Variants in CTNNB1 observed in about 807,000 individuals in gnomAD.
CTNNB1 encodes catenin beta-1.
CTNNB1 carries 6 observed loss-of-function variants against 82.5 expected under a neutral mutation model. The ratio of observed to expected loss-of-function variants is 0.07; its 90% CI spans 0.04 to 0.14. The LOEUF (loss-of-function observed/expected upper bound fraction) is 0.14, where lower values mean the gene tolerates loss of function less well. Ranked by LOEUF, CTNNB1 falls within the 10% of genes least tolerant of loss-of-function variation. CTNNB1 has a pLI of 1.00. For missense variants in CTNNB1, 529 were observed against 980.4 expected (o/e 0.54, Z 6.15); for synonymous variants, 312 against 329.7 (o/e 0.95, Z 0.58).
At position 41,235,860 on chromosome 3, in the gene CTNNB1, G is replaced by C. The variant is rs755925731; in HGVS notation, c.1803+17G>C. The C allele has an allele frequency of 6.2e-7, 1 of 1,613,948 alleles. No homozygotes were observed. Among genetic ancestry groups the C allele is most frequent in the South Asian group, 1.1e-5 (1 of 91,068 alleles). On this transcript the variant is annotated intron_variant, in intron 11 of 14. Coordinates refer to ENST00000349496, the MANE Select transcript of CTNNB1 (RefSeq NM_001904.4). ...TTTGTGCAGGTATGTTTTAAGTGAA[G>C]TGTTCTAGGTTTTATGTCCATAAAA...
intron 1 of CTNNB1, among the ~76,000 whole-genome samples, chr3:41,215,554 T>C (rs945413481): frequency 6.6e-6 from 1 of 152,126 alleles, no homozygotes; most frequent in Non-Finnish European, 1.5e-5. Context: ...CCAAAGCATA[T>C]ATTAAGCGAG....
intron 1 of CTNNB1, among the ~76,000 whole-genome samples, chr3:41,207,832 C>G (rs2077684728): frequency 6.6e-6 from 1 of 152,218 alleles, no homozygotes; most frequent in Non-Finnish European, 1.5e-5. Context: ...AATGCTACTT[C>G]CCTTGCAGCT....
intron 1 of CTNNB1, among the ~76,000 whole-genome samples, chr3:41,206,012 T>A (rs1313146607): frequency 1.3e-5 from 2 of 152,188 alleles, no homozygotes; most frequent in African/African-American, 4.8e-5. Context: ...CCCCTCTTTA[T>A]GATGGTTTGA....
chr3:41,236,554 T>C (rs1318913264), intron 12 of CTNNB1, 34 bp from the exon 13 acceptor site: 1 of 1,614,188 alleles, frequency 6.2e-7, no homozygotes. Flanking sequence ...AGTCTCAGTT[T>C]TTCCTCAAGG....
rs1300956292 is a variant in CTNNB1, at chr3:41,224,944, C to T, written c.242-10C>T. 6.2e-7 allele frequency: 1 copy of T among 1,614,064 alleles called. No homozygotes were observed. Among genetic ancestry groups the T allele is most frequent in the Admixed American group, 1.7e-5 (1 of 60,010 alleles). On this transcript the variant is annotated splice_polypyrimidine_tract_variant and intron_variant, in intron 3 of 14. Transcript: ENST00000349496. ...CTGTGGATAGTGAGTGTTGAATTAACCTTTTCCAGATATTGATGGACAGTA... is the reference window on the plus strand; with the variant it reads ...CTGTGGATAGTGAGTGTTGAATTAATCTTTTCCAGATATTGATGGACAGTA...
At chr3:41,235,223 C>T (rs1217742536) in intron 10 of CTNNB1, 1 of 171,786 alleles carries the variant, frequency 5.8e-6, no homozygotes, top group Non-Finnish European at 1.3e-5. Context: ...TATCTTCCTT[C>T]TATACATGAG....
At chr3:41,238,188 G>A (rs2078486236) in intron 14 of CTNNB1, 112 bp downstream of exon 14, 1 of 923,376 alleles carries the variant, frequency 1.1e-6, no homozygotes, top group Non-Finnish European at 1.8e-6. Context: ...AAAAGTAGTG[G>A]CTTCAATTAA....
chr3:41,200,818 C>T (rs1458778024), intron 1 of CTNNB1, among the ~76,000 whole-genome samples: 1 of 152,210 alleles, frequency 6.6e-6, no homozygotes, highest in Admixed American at 6.5e-5. Flanking sequence ...TGCCTTCGTT[C>T]TCTTCCCTTT....
At chr3:41,237,764 A>G (rs2078473758) in intron 13 of CTNNB1, 1 of 489,976 alleles carries the variant, frequency 2.0e-6, no homozygotes, top group Non-Finnish European at 3.7e-6. Context: ...GGCAGCACAT[A>G]ATAGGTGCTT....
Position 41,236,510 on chromosome 3 carries a change from A to G in CTNNB1, c.1954+11A>G. On this transcript the variant is annotated intron_variant, in intron 12 of 14. Coordinates refer to ENST00000349496, the MANE Select transcript of CTNNB1 (RefSeq NM_001904.4). ...GGAATGAAGGTGTGGGTAAGTAAAA[A>G]GGAACCAAAGCCTTTAGCAGATGTG... is the stretch of plus-strand genomic sequence containing the variant. The G allele has an allele frequency of 6.2e-7, 1 of 1,614,230 alleles. No individual in the cohort carries two copies. The highest frequency in any genetic ancestry group is 8.5e-7 in the Non-Finnish European group (1 of 1,180,030).
intron 14 of CTNNB1, chr3:41,238,306 A>G: frequency 1.8e-6 from 1 of 564,130 alleles, no homozygotes; most frequent in Admixed American, 3.0e-5. Context: ...AATACATGCT[A>G]CTGCTAGGCC....
chr3:41,229,843 G>T (rs1036706614), intron 7 of CTNNB1, among the ~76,000 whole-genome samples: 2 of 151,352 alleles, frequency 1.3e-5, no homozygotes, highest in African/African-American at 2.4e-5. Context: ...TTGGGGAAAA[G>T]AATAGATGGT....
chr3:41,240,262 CA>C lies in CTNNB1; in HGVS notation c.*925del. ...GGTGGATCTATTTCATGTTTTTGAT[CA>C]AAAACTATTTGGGATATGTATGGGT... On this transcript the variant is annotated 3_prime_UTR_variant, in exon 15 of 15. Transcript: ENST00000349496. 1 of 193,734 alleles carries C rather than the reference CA, an allele frequency of 5.2e-6. No individual in the cohort carries two copies. Among genetic ancestry groups the C allele is most frequent in the East Asian group, 8.2e-5 (1 of 12,226 alleles). 12.0% of individuals were successfully genotyped at this position (193,734 alleles called of 1,614,324 possible). A position where few individuals can be genotyped will look rare whatever the true frequency, so the allele number is the denominator to read the frequency against.
intron 13 of CTNNB1, chr3:41,237,034 C>A: frequency 2.2e-6 from 1 of 445,650 alleles, no homozygotes; most frequent in South Asian, 4.4e-5. Flanking sequence ...GTTAAGAGGA[C>A]AGTTTATCAG....
Position 41,225,164 on chromosome 3 carries a change from G to A in CTNNB1, c.452G>A (p.Arg151His), listed in dbSNP as rs200968230. Residue 151 changes from arginine to histidine, a missense_variant, in exon 4 of 15, where the codon CGT becomes CAT. Arg to His is a conservative substitution (Grantham distance 29). Around this residue, in one of 4 missense-constraint regions of CTNNB1, gnomAD observed 411 missense variants for 776.4 expected, o/e 0.53. Transcript: ENST00000349496. The surrounding 1 kb of genome is among the most constrained non-coding windows in gnomAD (Gnocchi z 5.3). ...CAAGATGATGCAGAACTTGCCACACGTGCAATCCCTGAACTGACAAAACTG... is the reference window on the plus strand; with the variant it reads ...CAAGATGATGCAGAACTTGCCACACATGCAATCCCTGAACTGACAAAACTG... The part of the protein sequence containing the change: ...NYQDDAELAT[R>H]AIPELTKLLN... 190 of 1,613,916 alleles carry A rather than the reference G, an allele frequency of 1.2e-4. No individual in the cohort carries two copies. Among genetic ancestry groups the A allele is most frequent in the Non-Finnish European group, 1.5e-4 (182 of 1,180,000 alleles).
At chr3:41,213,270 A>G (rs1342279881) in intron 1 of CTNNB1, among the ~76,000 whole-genome samples, 1 of 151,850 alleles carries the variant, frequency 6.6e-6, no homozygotes, top group African/African-American at 2.4e-5. Flanking sequence ...TATTTCTGGG[A>G]TGTTTATTCT....
In CTNNB1 at chr3:41,225,961, C is replaced by T; in HGVS notation, c.936+100C>T. On this transcript the variant is annotated intron_variant, in intron 6 of 14. Coordinates refer to ENST00000349496, the MANE Select transcript of CTNNB1 (RefSeq NM_001904.4). The surrounding 1 kb of genome is among the most constrained non-coding windows in gnomAD (Gnocchi z 5.3). Reference sequence around the variant, plus strand: ...TCCTAACCTTTTTGGCACCAGGGACCAGTTTCGTGGAAAACAGTTTTTCCA... The same window carrying T: ...TCCTAACCTTTTTGGCACCAGGGACTAGTTTCGTGGAAAACAGTTTTTCCA... The T allele has an allele frequency of 8.9e-7, 1 of 1,127,194 alleles. No homozygotes were observed. The highest frequency in any genetic ancestry group is 2.0e-5 in the Admixed American group (1 of 51,222). The allele number at this position is 1,127,194 out of a possible 1,614,324, so 69.8% of individuals were successfully genotyped here. A position where few individuals can be genotyped will look rare whatever the true frequency, so the allele number is the denominator to read the frequency against.
chr3:41,208,539 G>C (rs1212499510), intron 1 of CTNNB1, among the ~76,000 whole-genome samples: 1 of 152,120 alleles, frequency 6.6e-6, no homozygotes, highest in Non-Finnish European at 1.5e-5. Flanking sequence ...ATCCCATTGG[G>C]ACCTACAGTT....
At position 41,226,208 on chromosome 3, in the gene CTNNB1, C is replaced by T. The variant is rs571315849; in HGVS notation, c.936+347C>T. On this transcript the variant is annotated intron_variant, in intron 6 of 14. Coordinates refer to ENST00000349496, the MANE Select transcript of CTNNB1 (RefSeq NM_001904.4). ...GCCACTTACCTCCTGCTGTGCAGCC[C>T]AGTTCATTTCTGTTCTTTTAAATTT... is the stretch of plus-strand genomic sequence containing the variant. 7.2e-5 allele frequency among the ~76,000 whole-genome samples: 11 copies of T among 152,294 alleles called. No homozygotes were observed. The South Asian group carries it at 2.3e-3, about 32-fold the overall frequency.
Sources: allele counts gnomAD v4.1 joint callset (sites outside exome capture counted in the v4.1 genomes callset), GRCh38; gene constraint gnomAD v4.1.1; regional missense constraint gnomAD v4.1.1; non-coding constraint Gnocchi (gnomAD v3.1); transcripts MANE v1.5; gene names NCBI Gene and HGNC (gene_info 2026-07-23, HGNC 2026-07-21).